Variants in MAN2A1 observed in about 807,000 individuals in gnomAD.
MAN2A1 encodes the protein alpha-mannosidase 2.
In MAN2A1, 76 loss-of-function variants were observed where a neutral mutation model predicts 142.6. The observed-to-expected ratio is 0.53, with a 90% CI of 0.44 to 0.65. The LOEUF (loss-of-function observed/expected upper bound fraction) is 0.65. Among genes scored for constraint, MAN2A1 ranks in the 30% least tolerant of loss-of-function variants. The pLI is 0.00. For synonymous variants in MAN2A1, 559 were observed against 473.2 expected, an observed-to-expected ratio of 1.18 and a Z score of -2.35; for missense variants, 1,311 against 1,365.1, an observed-to-expected ratio of 0.96 and a Z score of 0.62.
Position 109,690,447 on chromosome 5 carries a change from C to T in MAN2A1, c.30C>T (p.Phe10=). 6.2e-7 allele frequency: 1 copy of T among 1,614,038 alleles called. No individual in the cohort carries two copies. The highest frequency in any genetic ancestry group is 1.6e-4 in the Middle Eastern group (1 of 6,062). MKLSRQFTV[F]GSAIFCVVIF... The stretch of plus-strand genomic sequence containing the variant: ...AGTTAAGCCGCCAGTTCACCGTGTT[C>T]GGCAGTGCGATCTTCTGTGTGGTGA... The change falls in exon 1 of 22, where the codon TTC becomes TTT. Residue 10 remains phenylalanine (F), a synonymous_variant. Transcript: ENST00000261483.
chr5:109,799,677 C>T (rs1250019056), intron 12 of MAN2A1, among the ~76,000 whole-genome samples: 1 of 151,976 alleles, frequency 6.6e-6, no homozygotes, highest in African/African-American at 2.4e-5. Flanking sequence ...TCACTTGAAC[C>T]CATGAGGTGG....
At chr5:109,760,772 C>A (rs570857746) in intron 5 of MAN2A1, among the ~76,000 whole-genome samples, 1 of 151,998 alleles carries the variant, frequency 6.6e-6, no homozygotes, top group African/African-American at 2.4e-5. Flanking sequence ...GCATAAATGT[C>A]TTCTTTTGAG....
chr5:109,860,335 A>G (rs1044860665), intron 20 of MAN2A1, among the ~76,000 whole-genome samples: 2 of 152,188 alleles, frequency 1.3e-5, no homozygotes, highest in African/African-American at 4.8e-5. Flanking sequence ...ATGAATTTCT[A>G]CTGGTTATAA....
At position 109,819,621 on chromosome 5, in the gene MAN2A1, A is replaced by G. The variant is rs757870310; in HGVS notation, c.2110-48A>G. ...CAAAAATATAAATGGTTTGCCTCTC[A>G]GTAGATAACATTTATCTTTAATAAA... On this transcript the variant is annotated intron_variant, in intron 13 of 21. Transcript: ENST00000261483. 2.7e-6 allele frequency: 3 copies of G among 1,130,916 alleles called. No individual in the cohort carries two copies. In the East Asian group the frequency reaches 7.8e-5, roughly 29 times the overall value. The allele number at this position is 1,130,916 out of a possible 1,614,324, so 70.1% of individuals were successfully genotyped here.
intron 5 of MAN2A1, among the ~76,000 whole-genome samples, 156 bp downstream of exon 5, chr5:109,755,612 A>G (rs1752668295): frequency 6.6e-6 from 1 of 152,168 alleles, no homozygotes; most frequent in Non-Finnish European, 1.5e-5. Context: ...TTCTTAGCTC[A>G]TAAACTGAGT....
chr5:109,822,944 T>C (rs1047176171), intron 15 of MAN2A1, among the ~76,000 whole-genome samples: 1 of 152,200 alleles, frequency 6.6e-6, no homozygotes, highest in Admixed American at 6.5e-5. Context: ...CCCAAAGTGC[T>C]AGGGTTACAA....
chr5:109,847,226 A>G (rs887594776), intron 18 of MAN2A1, among the ~76,000 whole-genome samples: 1 of 152,172 alleles, frequency 6.6e-6, no homozygotes, highest in Non-Finnish European at 1.5e-5. Flanking sequence ...GCCGTGGTTA[A>G]CAAAGCAGCA....
intron 12 of MAN2A1, chr5:109,794,098 T>C (rs868824260): frequency 7.9e-5 from 12 of 152,308 alleles, no homozygotes; most frequent in African/African-American, 2.9e-4. Context: ...ACCTTATTTT[T>C]ATTGTTTGGA....
At chr5:109,719,696 A>T (rs1329244984) in intron 3 of MAN2A1, among the ~76,000 whole-genome samples, 2 of 152,166 alleles carry the variant, frequency 1.3e-5, no homozygotes, top group African/African-American at 2.4e-5. Context: ...ATAGATTTTT[A>T]AAAATTTTCT....
At chr5:109,781,371 T>A (rs1399348875) in intron 8 of MAN2A1, 25 bp from the exon 9 acceptor site, 4 of 1,388,364 alleles carry the variant, frequency 2.9e-6, no homozygotes, top group Non-Finnish European at 3.0e-6. Flanking sequence ...GAATGAATAA[T>A]TGAAGTGCAT....
chr5:109,808,683 T>A (rs1754236812), intron 12 of MAN2A1, among the ~76,000 whole-genome samples: 1 of 150,126 alleles, frequency 6.7e-6, no homozygotes, highest in Admixed American at 6.7e-5. Flanking sequence ...ACTATATTTC[T>A]GTTTTTCTCC....
At chr5:109,842,245 G>C (rs1294996402) in intron 16 of MAN2A1, 83 bp from the exon 17 acceptor site, 15 of 803,390 alleles carry the variant, frequency 1.9e-5, no homozygotes, top group Non-Finnish European at 2.6e-5. Flanking sequence ...TGTAACTTTG[G>C]AAAGAGTTCT....
At chr5:109,720,750 C>T (rs901601707) in intron 3 of MAN2A1, among the ~76,000 whole-genome samples, 10 of 152,278 alleles carry the variant, frequency 6.6e-5, no homozygotes, top group Admixed American at 2.0e-4. Context: ...CATTCAAAGC[C>T]GTCCTGGGCC....
chr5:109,690,771 C>T (rs1297108479), intron 1 of MAN2A1, among the ~76,000 whole-genome samples: 1 of 152,202 alleles, frequency 6.6e-6, no homozygotes, highest in Admixed American at 6.5e-5. Flanking sequence ...GCGGCGGCGG[C>T]GGCGGCATCA....
intron 12 of MAN2A1, among the ~76,000 whole-genome samples, chr5:109,809,258 A>T (rs966276368): frequency 6.6e-6 from 1 of 152,294 alleles, no homozygotes; most frequent in Admixed American, 6.5e-5. Flanking sequence ...ATAGAAAAGC[A>T]TAGATGACTT....
chr5:109,783,748 G>GTTTTTTTTTTTTTTTTTTTTTT (rs1339476303), intron 9 of MAN2A1, among the ~76,000 whole-genome samples: 5 of 151,634 alleles, frequency 3.3e-5, no homozygotes, highest in Admixed American at 6.6e-5. Context: ...TTTTAAATAA[G>GTTTTTTTTTTTTTTTTTTTTTT]TTTTTAAGAA....
In MAN2A1 at chr5:109,820,311, C is replaced by A; in HGVS notation, c.2420C>A (p.Ala807Asp). The change falls in exon 15 of 22, where the codon GCC becomes GAC. Residue 807 changes from alanine to aspartate, a missense_variant. Physicochemically the swap from Ala to Asp is moderately radical, Grantham distance 126. Transcript: ENST00000261483. ...GTTIKRDKSG[A>D]YLFLPDGNAK... is the part of the protein sequence containing the mutation. ...ACAATTAAAAGAGACAAAAGTGGTG[C>A]CTACCTCTTCTTACCTGATGGTAAT... 6.2e-7 allele frequency: 1 copy of A among 1,612,982 alleles called. No individual in the cohort carries two copies. Among genetic ancestry groups the A allele is most frequent in the South Asian group, 1.1e-5 (1 of 90,996 alleles).
At chr5:109,776,646 C>G (rs549077792) in intron 8 of MAN2A1, among the ~76,000 whole-genome samples, 2 of 152,202 alleles carry the variant, frequency 1.3e-5, no homozygotes, top group South Asian at 2.1e-4. Flanking sequence ...AAGAAGTGGA[C>G]AAACCATAAG....
At chr5:109,725,355 C>T (rs1751714513) in intron 3 of MAN2A1, among the ~76,000 whole-genome samples, 1 of 152,176 alleles carries the variant, frequency 6.6e-6, no homozygotes, top group South Asian at 2.1e-4. Context: ...TGGCCCTGTC[C>T]CAAACCAGGA....
Sources: gnomAD v4.1 joint callset for allele counts (sites outside exome capture counted in the v4.1 genomes callset) on GRCh38, gnomAD v4.1.1 for gene constraint, MANE v1.5 for transcripts, NCBI Gene and HGNC (gene_info 2026-07-23, HGNC 2026-07-21) for gene names.